The following PTPRG variants were observed in gnomAD, a reference collection of about 807,000 sequenced individuals.
PTPRG encodes receptor-type tyrosine-protein phosphatase gamma.
Under a neutral mutation model 165.3 loss-of-function variants are expected in PTPRG, and 102 were observed. The ratio of observed to expected loss-of-function variants is 0.62; its 90% CI spans 0.53 to 0.73. The LOEUF is 0.73. Among genes scored for constraint, PTPRG ranks in the 30% least tolerant of loss-of-function variants. The probability of loss-of-function intolerance (pLI) is 0.00; values close to 1 mark genes in which losing one functional copy is unlikely to be tolerated. For synonymous variants in PTPRG, 675 were observed against 669.5 expected (o/e 1.01, Z -0.13); for missense variants, 1,866 against 1,861.4 (o/e 1.00, Z -0.05).
chr3:61,684,481 A>T (rs1004910184), intron 1 of PTPRG, among the ~76,000 whole-genome samples: 1 of 152,056 alleles, frequency 6.6e-6, no homozygotes, highest in African/African-American at 2.4e-5. Context: ...TATTTGCCAC[A>T]CTCCAGTGAT....
rs1290087094 is a variant in PTPRG, at chr3:62,255,775, A to G, written c.2559+560A>G. ...TTTAAAAGTGCCAAGTTCATTGTTA[A>G]GAACCATGCAAAGGTTGACTGTTGT... On this transcript the variant is annotated intron_variant, in intron 16 of 29. Coordinates refer to ENST00000474889, the MANE Select transcript of PTPRG (RefSeq NM_002841.4). The surrounding 1 kb of genome is among the most constrained non-coding windows in gnomAD (Gnocchi z 4.0). Among the ~76,000 whole-genome samples the G allele has an allele frequency of 6.6e-6, 1 of 152,222 alleles. No homozygotes were observed. Among genetic ancestry groups the G allele is most frequent in the African/African-American group, 2.4e-5 (1 of 41,464 alleles).
intron 2 of PTPRG, among the ~76,000 whole-genome samples, chr3:61,813,543 C>CTGTGTGTGTGTGTGTGTGTGTG (rs58097355): frequency 2.6e-5 from 3 of 116,880 alleles, no homozygotes; most frequent in Non-Finnish European, 5.1e-5. Context: ...AAAAGAAAAT[C>CTGTGTGTGTGTGTGTGTGTGTG]TGTGTGTGTG....
chr3:62,164,427 C>T (rs779462122), intron 7 of PTPRG, among the ~76,000 whole-genome samples: 57 of 152,096 alleles, frequency 3.7e-4, no homozygotes, highest in Non-Finnish European at 6.9e-4. Context: ...AGGCCACTGG[C>T]GATTTTCATT....
intron 14 of PTPRG, among the ~76,000 whole-genome samples, chr3:62,241,603 C>T (rs983231042): frequency 8.6e-5 from 13 of 151,922 alleles, no homozygotes; most frequent in African/African-American, 3.1e-4. Flanking sequence ...CCACATATAA[C>T]TGAGACTGGC....
chr3:62,238,532 G>A (rs990683932), intron 14 of PTPRG, among the ~76,000 whole-genome samples: 1 of 152,114 alleles, frequency 6.6e-6, no homozygotes, highest in Admixed American at 6.5e-5. Context: ...GTCCACAAGG[G>A]TGGACTCTCA....
intron 1 of PTPRG, among the ~76,000 whole-genome samples, chr3:61,575,823 C>T (rs35974221): frequency 0.19 from 28,897 of 151,922 alleles, 2,795 homozygotes; most frequent in Middle Eastern, 0.24. Context: ...GTTGGCCAGG[C>T]TGGTCTCGAA....
At chr3:61,833,019 C>T (rs1348862131) in intron 2 of PTPRG, among the ~76,000 whole-genome samples, 5 of 151,508 alleles carry the variant, frequency 3.3e-5, no homozygotes, top group Non-Finnish European at 7.4e-5. Flanking sequence ...ATCCAGGTTG[C>T]TGTGAATGCC....
chr3:62,074,889 C>T (rs543943303), intron 4 of PTPRG, among the ~76,000 whole-genome samples: 2 of 152,288 alleles, frequency 1.3e-5, no homozygotes, highest in Admixed American at 1.3e-4. Flanking sequence ...TTTCCAGCCT[C>T]TGTCCAAACT....
intron 1 of PTPRG, among the ~76,000 whole-genome samples, chr3:61,658,420 T>TA (rs1245588091): frequency 1.3e-5 from 2 of 152,166 alleles, no homozygotes; most frequent in Non-Finnish European, 2.9e-5. Flanking sequence ...GCCAGATAGC[T>TA]ACAGGTTCAG....
intron 13 of PTPRG, among the ~76,000 whole-genome samples, chr3:62,221,288 A>C (rs1258335717): frequency 1.3e-5 from 2 of 152,250 alleles, no homozygotes; most frequent in African/African-American, 4.8e-5. Flanking sequence ...CCAGAGCTTT[A>C]AACTTCATCC....
At chr3:61,759,443 C>T (rs543526617) in intron 2 of PTPRG, among the ~76,000 whole-genome samples, 28 of 152,088 alleles carry the variant, frequency 1.8e-4, no homozygotes, top group Non-Finnish European at 3.4e-4. Flanking sequence ...TCACTTGAGC[C>T]GAGGAGTTCG....
chr3:62,197,086 C>CTCTGG (rs1188253601), intron 10 of PTPRG, among the ~76,000 whole-genome samples: 6 of 152,188 alleles, frequency 3.9e-5, no homozygotes, highest in Non-Finnish European at 5.9e-5. Flanking sequence ...GAGTGAGGAC[C>CTCTGG]TCTGGTCTGA....
chr3:62,273,801 T>C lies in PTPRG; in HGVS notation c.3422T>C (p.Ile1141Thr), dbSNP rs377021023. 1.7e-5 allele frequency: 27 copies of C among 1,613,780 alleles called. No individual in the cohort carries two copies. Among genetic ancestry groups the C allele is most frequent in the Non-Finnish European group, 2.2e-5 (26 of 1,179,840 alleles). ...CACAGCTATGTTAACAGCATCCTTA[T>C]ACCAGGAGTAGGAGGAAAGACACGA... ...QLHSYVNSIL[I>T]PGVGGKTRLE... The change falls in exon 23 of 30, where the codon ATA becomes ACA. Residue 1141 changes from isoleucine (I) to threonine (T), a missense_variant. Ile to Thr is a moderately conservative substitution (Grantham distance 89, BLOSUM62 -1). Transcript: ENST00000474889. The surrounding 1 kb of genome is among the most constrained non-coding windows in gnomAD (Gnocchi z 4.1).
chr3:61,838,605 A>G (rs1468836074), intron 2 of PTPRG, among the ~76,000 whole-genome samples: 1 of 152,232 alleles, frequency 6.6e-6, no homozygotes, highest in Non-Finnish European at 1.5e-5. Flanking sequence ...AAGTGATGGT[A>G]TAAATCTGCT....
At chr3:61,780,661 A>C (rs916140738) in intron 2 of PTPRG, among the ~76,000 whole-genome samples, 1 of 152,144 alleles carries the variant, frequency 6.6e-6, no homozygotes, top group Admixed American at 6.5e-5. Context: ...GTCAGTCCCT[A>C]CTGATGAGTG....
chr3:62,020,126 A>T (rs6445249), intron 4 of PTPRG, among the ~76,000 whole-genome samples: 1 of 152,102 alleles, frequency 6.6e-6, no homozygotes, highest in South Asian at 2.1e-4. Context: ...TACTTGGCAG[A>T]GGGTAGGGGG....
In PTPRG at chr3:62,191,722, G is replaced by A. The variant is rs1699827556; in HGVS notation, c.1218+69G>A. 2.7e-6 allele frequency: 4 copies of A among 1,456,412 alleles called. No individual in the cohort carries two copies. In the East Asian group the frequency reaches 9.1e-5, roughly 33 times the overall value. 90.2% of individuals were successfully genotyped at this position (1,456,412 alleles called of 1,614,324 possible). On this transcript the variant is annotated intron_variant, in intron 9 of 29. Coordinates refer to ENST00000474889, the MANE Select transcript of PTPRG (RefSeq NM_002841.4). ...GGACTCCTGCTGCAGCTCTCTGCCA[G>A]GCACTGCACAGTGTGCCAGCTCTGT...
chr3:61,640,509 T>TA (rs1370414800), intron 1 of PTPRG, among the ~76,000 whole-genome samples: 3 of 152,314 alleles, frequency 2.0e-5, no homozygotes, highest in Admixed American at 6.5e-5. Context: ...TTACCATATT[T>TA]AATCCCCGTA....
intron 6 of PTPRG, among the ~76,000 whole-genome samples, chr3:62,142,005 C>A (rs1053351622): frequency 2.6e-5 from 4 of 151,230 alleles, no homozygotes; most frequent in African/African-American, 9.7e-5. Flanking sequence ...TGGATAAAGA[C>A]GTAGTGGTGC....
Sources: gnomAD v4.1 joint callset for allele counts (sites outside exome capture counted in the v4.1 genomes callset) on GRCh38, gnomAD v4.1.1 for gene constraint, Gnocchi (gnomAD v3.1) non-coding constraint, MANE v1.5 for transcripts, NCBI Gene and HGNC (gene_info 2026-07-23, HGNC 2026-07-21) for gene names.